The following GRM7 variants were observed in gnomAD, a reference collection of about 807,000 sequenced individuals.
The protein encoded by GRM7 is metabotropic glutamate receptor 7.
In GRM7, 35 loss-of-function variants were observed where a neutral mutation model predicts 84.5. The observed-to-expected ratio is 0.41, with a 90% CI of 0.32 to 0.55. The LOEUF is 0.55. Among genes scored for constraint, GRM7 ranks in the 20% least tolerant of loss-of-function variants. The probability of loss-of-function intolerance (pLI) is 0.19; values close to 1 mark genes in which losing one functional copy is unlikely to be tolerated. For missense variants in GRM7, 1,003 were observed against 1,194.6 expected (o/e 0.84, Z 2.36); for synonymous variants, 487 against 455.1 (o/e 1.07, Z -0.89).
At chr3:7,679,313 G>A (rs1461227561) in intron 8 of GRM7, among the ~76,000 whole-genome samples, 1 of 151,838 alleles carries the variant, frequency 6.6e-6, no homozygotes, top group African/African-American at 2.4e-5. Flanking sequence ...GGGATCAGGG[G>A]GTCAGGGAGT....
intron 7 of GRM7, among the ~76,000 whole-genome samples, chr3:7,480,828 C>T (rs1232126403): frequency 6.6e-6 from 1 of 152,172 alleles, no homozygotes; most frequent in Non-Finnish European, 1.5e-5. Context: ...TCTATTGAAG[C>T]AACCTCGTTC....
intron 1 of GRM7, among the ~76,000 whole-genome samples, chr3:7,042,951 G>A (rs949567969): frequency 5.9e-5 from 9 of 152,148 alleles, no homozygotes; most frequent in Non-Finnish European, 2.9e-5. Flanking sequence ...CTTAAAGACA[G>A]TTTCATCCTT....
intron 2 of GRM7, among the ~76,000 whole-genome samples, chr3:7,256,903 A>G (rs527485817): frequency 6.6e-6 from 1 of 152,338 alleles, no homozygotes; most frequent in East Asian, 1.9e-4. Flanking sequence ...TTTCAGAGGT[A>G]TTTGAGAAGC....
chr3:7,401,364 G>GTTGGAA, intron 4 of GRM7, among the ~76,000 whole-genome samples: 1 of 152,082 alleles, frequency 6.6e-6, no homozygotes, highest in Non-Finnish European at 1.5e-5. Flanking sequence ...AAACAGTGTT[G>GTTGGAA]ACCACGTTTT....
At chr3:6,960,143 A>T (rs62235452) in intron 1 of GRM7, among the ~76,000 whole-genome samples, 38,478 of 152,066 alleles carry the variant, frequency 0.25, 4,984 homozygotes, top group East Asian at 0.33. Flanking sequence ...TTTTAAGGGA[A>T]GCTTCCAGCC....
At chr3:7,130,422 A>G (rs1380763974) in intron 1 of GRM7, among the ~76,000 whole-genome samples, 2 of 152,046 alleles carry the variant, frequency 1.3e-5, no homozygotes, top group African/African-American at 4.8e-5. Flanking sequence ...AGGCACCTGT[A>G]ATCCCAGGTA....
chr3:7,690,973 A>C, intron 9 of GRM7: 2 of 324,988 alleles, frequency 6.2e-6, no homozygotes, highest in South Asian at 2.5e-5. Context: ...GCATCTTCCC[A>C]ATATTCAAGA....
In GRM7 at chr3:7,093,717, T is replaced by G. The variant is rs1293062763; in HGVS notation, c.520-52735T>G. ...AAAAAAAAAAAAAAAAAAAAAAAGG[T>G]AGTTAGTGGCCTTTGCTCTTTTACA... On this transcript the variant is annotated intron_variant, in intron 1 of 9. Coordinates refer to ENST00000357716, the MANE Select transcript of GRM7 (RefSeq NM_000844.4). Among the ~76,000 whole-genome samples the G allele has an allele frequency of 7.0e-5, 4 of 57,336 alleles. 1 individual carries two copies. The allele number at this position is 57,336 out of a possible 152,430, so 37.6% of individuals were successfully genotyped here. A position where few individuals can be genotyped will look rare whatever the true frequency, so the allele number is the denominator to read the frequency against.
chr3:6,961,312 AC>A (rs1354771782), intron 1 of GRM7, among the ~76,000 whole-genome samples: 1 of 152,102 alleles, frequency 6.6e-6, no homozygotes, highest in Non-Finnish European at 1.5e-5. Context: ...TGTCAATTCC[AC>A]CTTACGCAGT....
intron 1 of GRM7, among the ~76,000 whole-genome samples, chr3:6,991,179 G>A (rs189873145): frequency 5.3e-5 from 8 of 152,246 alleles, no homozygotes; most frequent in African/African-American, 1.7e-4. Context: ...TTCCCTGTCT[G>A]CTACTCTAGA....
chr3:7,654,949 C>T (rs1340127116), intron 8 of GRM7, among the ~76,000 whole-genome samples: 1 of 152,144 alleles, frequency 6.6e-6, no homozygotes, highest in East Asian at 1.9e-4. Flanking sequence ...TCCTCTCTTC[C>T]CTTTCCCTCT....
chr3:7,685,008 C>A (rs1285127650), intron 9 of GRM7, among the ~76,000 whole-genome samples: 1 of 152,076 alleles, frequency 6.6e-6, no homozygotes, highest in Non-Finnish European at 1.5e-5. Context: ...CTCCCACCTG[C>A]ATCCTGAATT....
intron 1 of GRM7, among the ~76,000 whole-genome samples, chr3:6,925,882 T>A (rs1441060113): frequency 6.6e-6 from 1 of 152,302 alleles, no homozygotes; most frequent in East Asian, 1.9e-4. Flanking sequence ...AGTCTTCTCT[T>A]CGGGTCAAAT....
chr3:6,976,611 C>G (rs1477897372), intron 1 of GRM7, among the ~76,000 whole-genome samples: 1 of 151,696 alleles, frequency 6.6e-6, no homozygotes, highest in Non-Finnish European at 1.5e-5. Flanking sequence ...GGCTTTAGTC[C>G]CTGTATTATG....
chr3:7,559,132 CT>C (rs4054096), intron 7 of GRM7: 48,299 of 134,400 alleles, frequency 0.36, 8,085 homozygotes, highest in Middle Eastern at 0.45. Context: ...TTAACAGTCG[CT>C]TTTTTTTTTT....
chr3:7,552,096 T>G (rs1287133013), intron 7 of GRM7, among the ~76,000 whole-genome samples: 1 of 152,148 alleles, frequency 6.6e-6, no homozygotes, highest in Non-Finnish European at 1.5e-5. Flanking sequence ...CCACCTGATC[T>G]CTCCCTTGAA....
intron 1 of GRM7, among the ~76,000 whole-genome samples, chr3:7,072,660 CTG>C (rs1003763334): frequency 2.0e-4 from 31 of 152,104 alleles, no homozygotes; most frequent in African/African-American, 6.7e-4. Flanking sequence ...GCACTCCACA[CTG>C]TGAGACAGAC....
intron 7 of GRM7, among the ~76,000 whole-genome samples, chr3:7,577,174 A>G (rs559758863): frequency 3.9e-5 from 6 of 152,314 alleles, no homozygotes; most frequent in Admixed American, 3.3e-4. Flanking sequence ...CTCTGACCCA[A>G]TATCTGTGGC....
At chr3:7,146,161 T>C (rs1694104389) in intron 1 of GRM7, among the ~76,000 whole-genome samples, 1 of 152,300 alleles carries the variant, frequency 6.6e-6, no homozygotes, top group South Asian at 2.1e-4. Flanking sequence ...TGGTCATAAA[T>C]CTTTTTCTTC....
Sources: allele counts gnomAD v4.1 joint callset (sites outside exome capture counted in the v4.1 genomes callset), GRCh38; gene constraint gnomAD v4.1.1; transcripts MANE v1.5; gene names NCBI Gene and HGNC (gene_info 2026-07-23, HGNC 2026-07-21).